The following TDRD9 variants were observed in gnomAD, a reference collection of about 807,000 sequenced individuals.
TDRD9 encodes the protein tudor domain containing 9, also known as ATP-dependent RNA helicase TDRD9.
TDRD9 carries 124 observed loss-of-function variants against 172.6 expected under a neutral mutation model. That is an observed-to-expected ratio of 0.72 (90% CI 0.62 to 0.83). The LOEUF (loss-of-function observed/expected upper bound fraction) is 0.83, where lower values mean the gene tolerates loss of function less well. Ranked by LOEUF, TDRD9 falls within the 40% of genes least tolerant of loss-of-function variation. The probability of loss-of-function intolerance (pLI) is 0.00; values close to 1 mark genes in which losing one functional copy is unlikely to be tolerated. For missense variants in TDRD9, 1,479 were observed against 1,714.1 expected (o/e 0.86, Z 2.42); for synonymous variants, 619 against 617.1 (o/e 1.00, Z -0.05).
chr14:103,936,393 A>G (rs1306604613), intron 1 of TDRD9, among the ~76,000 whole-genome samples: 1 of 152,142 alleles, frequency 6.6e-6, no homozygotes, highest in Admixed American at 6.5e-5. Context: ...TGCTCAACCT[A>G]GGAGACCCCA....
At chr14:104,007,609 G>T (rs2034483457) in intron 19 of TDRD9, among the ~76,000 whole-genome samples, 3 of 151,456 alleles carry the variant, frequency 2.0e-5, no homozygotes, top group South Asian at 2.1e-4. Context: ...GGGCTTAAAA[G>T]AAATGTAATC....
chr14:103,977,096 C>T (rs945313115), intron 7 of TDRD9, among the ~76,000 whole-genome samples: 3 of 152,110 alleles, frequency 2.0e-5, no homozygotes, highest in Non-Finnish European at 4.4e-5. Context: ...TTTGCATTTC[C>T]GTGACAATTG....
chr14:104,024,683 A>T lies in TDRD9; in HGVS notation c.2718+3A>T. On this transcript the variant is annotated splice_donor_region_variant and intron_variant, in intron 25 of 35. Coordinates refer to ENST00000409874, the MANE Select transcript of TDRD9 (RefSeq NM_153046.3). ...TTCTAACTATTGATGTCACAGAGGT[A>T]AGGATGAAGTAATTGAGCTTTTCCT... The T allele has an allele frequency of 1.3e-6, 2 of 1,549,140 alleles. No homozygotes were observed. The highest frequency in any genetic ancestry group is 1.8e-6 in the Non-Finnish European group (2 of 1,126,836).
At chr14:104,004,356 T>A in intron 14 of TDRD9, 21 bp downstream of exon 14, 4 of 1,207,060 alleles carry the variant, frequency 3.3e-6, no homozygotes, top group Non-Finnish European at 4.8e-6. Flanking sequence ...TTGGTCATTG[T>A]CAAAGTTTAT....
At position 103,966,728 on chromosome 14, in the gene TDRD9, C is replaced by G; in HGVS notation, c.662C>G (p.Ala221Gly). Residue 221 changes from alanine to glycine, a missense_variant, in exon 5 of 36, where the codon GCA becomes GGA. By Grantham distance (60) the Ala-to-Gly change is moderately conservative. Transcript: ENST00000409874. The stretch of plus-strand genomic sequence containing the variant: ...TTTTAGGTAGGGCTAGAGAAAATAG[C>G]AACAGAGGACACCAGGCTAATTTAT... ...VGYQVGLEKI[A>G]TEDTRLIYMT... is the part of the protein sequence containing the mutation. 1 of 1,548,414 alleles carries G rather than the reference C, an allele frequency of 6.5e-7. No individual in the cohort carries two copies. Among genetic ancestry groups the G allele is most frequent in the Non-Finnish European group, 8.7e-7 (1 of 1,145,350 alleles).
intron 20 of TDRD9, among the ~76,000 whole-genome samples, chr14:104,011,807 C>T (rs2034620714): frequency 6.6e-6 from 1 of 152,104 alleles, no homozygotes; most frequent in South Asian, 2.1e-4. Flanking sequence ...CAAGACCATC[C>T]TCAGGTTCAC....
intron 1 of TDRD9, among the ~76,000 whole-genome samples, chr14:103,938,257 A>G (rs1190767203): frequency 6.6e-6 from 1 of 151,362 alleles, no homozygotes; most frequent in Non-Finnish European, 1.5e-5. Flanking sequence ...GAATGCTTTT[A>G]TGTGGATTCA....
chr14:104,048,651 C>T lies in TDRD9; in HGVS notation c.3975-957C>T, dbSNP rs529743486. ...CTCAGGGCTTCCCAGGTTTTTCCCA[C>T]GTGTGTGCACCCCTCCATCAGTCAG... On this transcript the variant is annotated intron_variant, in intron 34 of 35. Transcript: ENST00000409874. Among the ~76,000 whole-genome samples, 194 of 152,266 alleles carry T rather than the reference C, an allele frequency of 1.3e-3. 3 individuals are homozygous for T. The highest frequency in any genetic ancestry group is 4.5e-3 in the African/African-American group (189 of 41,552).
At chr14:104,020,963 G>A (rs1292085241) in intron 23 of TDRD9, among the ~76,000 whole-genome samples, 1 of 152,098 alleles carries the variant, frequency 6.6e-6, no homozygotes, top group Admixed American at 6.5e-5. Flanking sequence ...GGGCAAGAGA[G>A]GGCATTTATC....
rs1198393431 is a variant in TDRD9 at position 104,052,130 on chromosome 14, G to T, written c.*48G>T. The T allele has an allele frequency of 5.1e-6, 7 of 1,362,806 alleles. No homozygotes were observed. In the African/African-American group the frequency reaches 1.0e-4, roughly 20 times the overall value. 84.4% of individuals were successfully genotyped at this position (1,362,806 alleles called of 1,614,324 possible). A position where few individuals can be genotyped will look rare whatever the true frequency, so the allele number is the denominator to read the frequency against. On this transcript the variant is annotated 3_prime_UTR_variant, in exon 36 of 36. Transcript: ENST00000409874. ...GCACACCCCTCAGGAAGCTGTGGAG[G>T]CTGGATTCCAGGCTCCCTCCGCAGA...
At chr14:104,043,242 ATTT>A (rs1180196736) in intron 34 of TDRD9, among the ~76,000 whole-genome samples, 1 of 139,272 alleles carries the variant, frequency 7.2e-6, no homozygotes, top group South Asian at 2.3e-4. Flanking sequence ...CAAGCTGGTA[ATTT>A]TTTTTTTTTT....
intron 5 of TDRD9, among the ~76,000 whole-genome samples, chr14:103,969,352 A>G (rs1261582708): frequency 2.0e-5 from 3 of 152,096 alleles, no homozygotes; most frequent in Non-Finnish European, 4.4e-5. Context: ...GTGTGAACTC[A>G]GAAGAGACTG....
At chr14:104,032,456 C>T (rs993349170) in intron 30 of TDRD9, among the ~76,000 whole-genome samples, 2 of 152,272 alleles carry the variant, frequency 1.3e-5, no homozygotes, top group South Asian at 2.1e-4. Flanking sequence ...CCACCTGCCT[C>T]GGCCTCCCAA....
intron 8 of TDRD9, among the ~76,000 whole-genome samples, chr14:103,986,666 T>C (rs886263744): frequency 3.3e-5 from 5 of 152,320 alleles, no homozygotes; most frequent in Non-Finnish European, 4.4e-5. Context: ...GAAACTTTCT[T>C]TGCATTTGTT....
chr14:104,010,856 G>C (rs2034592273), intron 20 of TDRD9, among the ~76,000 whole-genome samples: 1 of 152,174 alleles, frequency 6.6e-6, no homozygotes, highest in Admixed American at 6.5e-5. Flanking sequence ...CTCGAATACT[G>C]TATTTTTGAT....
intron 7 of TDRD9, 42 bp from the exon 8 acceptor site, chr14:103,986,175 T>G (rs1392815195): frequency 6.8e-7 from 1 of 1,469,064 alleles, no homozygotes; most frequent in Non-Finnish European, 9.5e-7. Flanking sequence ...TCTTCTGTAA[T>G]CCTGTTTTCG....
intron 1 of TDRD9, chr14:103,939,990 T>G (rs2031117355): frequency 6.6e-6 from 1 of 151,808 alleles, no homozygotes. Flanking sequence ...AAGTTATAAT[T>G]AGGTTCCTTG....
At chr14:104,015,950 G>A (rs2034776734) in intron 21 of TDRD9, 31 bp from the exon 22 acceptor site, 1 of 1,453,832 alleles carries the variant, frequency 6.9e-7, no homozygotes, top group Non-Finnish European at 9.5e-7. Context: ...AAATAATGCT[G>A]TTACTTCATG....
Position 104,022,675 on chromosome 14 carries a change from C to T in TDRD9, c.2606+345C>T, listed in dbSNP as rs571744109. On this transcript the variant is annotated intron_variant, in intron 24 of 35. Coordinates refer to ENST00000409874, the MANE Select transcript of TDRD9 (RefSeq NM_153046.3). Reference sequence around the variant, plus strand: ...CCAGGAGGCGGAGGTTACAGTCAGCCGAGATTGCACCACTGCACTCCAGCC... The same window carrying T: ...CCAGGAGGCGGAGGTTACAGTCAGCTGAGATTGCACCACTGCACTCCAGCC... Among the ~76,000 whole-genome samples the T allele has an allele frequency of 1.9e-3, 283 of 151,768 alleles. 1 individual carries two copies. Among genetic ancestry groups the T allele is most frequent in the African/African-American group, 6.5e-3 (271 of 41,392 alleles).
Sources: allele counts gnomAD v4.1 joint callset (sites outside exome capture counted in the v4.1 genomes callset), GRCh38; gene constraint gnomAD v4.1.1; transcripts MANE v1.5; gene names NCBI Gene and HGNC (gene_info 2026-07-23, HGNC 2026-07-21).